The following IARS1 variants were observed in gnomAD, a reference collection of about 807,000 sequenced individuals.
The protein encoded by IARS1 is isoleucine--tRNA ligase, cytoplasmic.
A neutral mutation model predicts 168.2 loss-of-function variants in IARS1; 124 were observed. The observed-to-expected ratio is 0.74, with a 90% CI of 0.64 to 0.86. The LOEUF (loss-of-function observed/expected upper bound fraction) is 0.86, where lower values mean the gene tolerates loss of function less well. Among genes scored for constraint, IARS1 ranks in the 40% least tolerant of loss-of-function variants. IARS1 has a pLI of 0.00. For synonymous variants in IARS1, 532 were observed against 529.4 expected (o/e 1.00, Z -0.07); for missense variants, 1,452 against 1,515.8 (o/e 0.96, Z 0.70).
chr9:92,287,986 A>T, intron 3 of IARS1, 76 bp from the exon 4 acceptor site: 2 of 1,569,206 alleles, frequency 1.3e-6, no homozygotes, highest in African/African-American at 1.4e-5. Context: ...AGAAAACAAA[A>T]CAAATCAAAC....
rs778198228 is a variant in IARS1, at chr9:92,288,268, T to C, written c.134A>G (p.Asp45Gly). The change falls in exon 3 of 34, where the codon GAT (aspartate) becomes GGT (glycine). Residue 45 changes from aspartate (D) to glycine (G), a missense_variant. By Grantham distance (94) the Asp-to-Gly change is moderately conservative (BLOSUM62 -1). Coordinates refer to ENST00000443024, the MANE Select transcript of IARS1 (RefSeq NM_002161.6). ...SKHKPKFTFYDGPPFATGLPH... is the reference protein window; with the variant it reads ...SKHKPKFTFYGGPPFATGLPH... Reference sequence around the variant, plus strand: ...CAGTCCAGTTGCAAAAGGAGGACCATCATAGAAGGTAAATCTAACAGGTAA... The same window carrying C: ...CAGTCCAGTTGCAAAAGGAGGACCACCATAGAAGGTAAATCTAACAGGTAA... 6.2e-7 allele frequency: 1 copy of C among 1,613,916 alleles called. No homozygotes were observed.
chr9:92,270,480 G>A (rs972710541), intron 12 of IARS1, among the ~76,000 whole-genome samples: 1 of 152,172 alleles, frequency 6.6e-6, no homozygotes, highest in African/African-American at 2.4e-5. Flanking sequence ...CCTTAGGAAA[G>A]CAACATTTTT....
At chr9:92,274,586 A>G in intron 9 of IARS1, 65 bp from the exon 10 acceptor site, 1 of 1,179,664 alleles carries the variant, frequency 8.5e-7, no homozygotes, top group African/African-American at 1.5e-5. Flanking sequence ...TAACTTTGTA[A>G]CAGTTTTTCC....
At chr9:92,226,796 A>G (rs890022799) in intron 31 of IARS1, among the ~76,000 whole-genome samples, 1 of 147,168 alleles carries the variant, frequency 6.8e-6, no homozygotes, top group Non-Finnish European at 1.5e-5. Context: ...ATGTCTTCAC[A>G]TGGCCACCTT....
rs755039797 is a variant in IARS1, at chr9:92,242,326, T to C, written c.3005A>G (p.Asn1002Ser). ...NRIQKLRKKC[N>S]LVPTDEITVY... ...TGTGATTTCATCAGTTGGAACCAGA[T>C]TGCACTGAAAACACACACAGAAAAA... Residue 1002 changes from asparagine to serine, a missense_variant, in exon 29 of 34, where the codon AAT (asparagine) becomes AGT (serine). Transcript: ENST00000443024. 1.9e-5 allele frequency: 31 copies of C among 1,610,120 alleles called. 1 individual carries two copies. In the South Asian group the frequency reaches 2.7e-4, roughly 14 times the overall value.
intron 27 of IARS1, among the ~76,000 whole-genome samples, chr9:92,244,033 T>C (rs1229050931): frequency 2.6e-5 from 4 of 152,152 alleles, no homozygotes; most frequent in Non-Finnish European, 5.9e-5. Context: ...ACTCACTTCA[T>C]AAAGGCATCA....
intron 30 of IARS1, among the ~76,000 whole-genome samples, chr9:92,238,668 T>C (rs76668386): frequency 1.2e-3 from 177 of 152,294 alleles, no homozygotes; most frequent in African/African-American, 4.1e-3. Flanking sequence ...ACTTAAAACA[T>C]ATTTTAGAGT....
In IARS1 at chr9:92,264,118, T is replaced by G. The variant is rs141085645; in HGVS notation, c.1700+811A>C. Among the ~76,000 whole-genome samples, 944 of 152,160 alleles carry G rather than the reference T, an allele frequency of 6.2e-3. 14 individuals are homozygous for G. Among genetic ancestry groups the G allele is most frequent in the African/African-American group, 0.022 (904 of 41,516 alleles). On this transcript the variant is annotated intron_variant, in intron 16 of 33. Coordinates refer to ENST00000443024, the MANE Select transcript of IARS1 (RefSeq NM_002161.6). Reference sequence around the variant, plus strand: ...GGGAGGCTGAGACGGGTGGGTCACTTGAGGTCAGGAGTTCGAGACCAGCCT... The same window carrying G: ...GGGAGGCTGAGACGGGTGGGTCACTGGAGGTCAGGAGTTCGAGACCAGCCT...
At position 92,256,684 on chromosome 9, in the gene IARS1, C is replaced by T. The variant is rs760930213; in HGVS notation, c.2133G>A (p.Met711Ile). 5 of 1,613,376 alleles carry T rather than the reference C, an allele frequency of 3.1e-6. No homozygotes were observed. The South Asian group carries it at 5.5e-5, about 18-fold the overall frequency. Residue 711 changes from methionine to isoleucine, a missense_variant, in exon 20 of 34, where the codon ATG (methionine) becomes ATA (isoleucine). Coordinates refer to ENST00000443024, the MANE Select transcript of IARS1 (RefSeq NM_002161.6). ...QSLIGFFETE[M>I]AAYRLYTVVP... Reference sequence around the variant, plus strand: ...GACAGACCAAGAGAGACTCACCTGCCATTTCAGTCTCAAAGAAGCCAATGA... The same window carrying T: ...GACAGACCAAGAGAGACTCACCTGCTATTTCAGTCTCAAAGAAGCCAATGA...
chr9:92,280,917 T>G, intron 6 of IARS1, 24 bp from the exon 7 acceptor site: 1 of 1,574,062 alleles, frequency 6.4e-7, no homozygotes, highest in Non-Finnish European at 8.7e-7. Context: ...AGGTAAAGTA[T>G]TGTTTTAGAA....
chr9:92,273,146 A>C (rs1392493716), intron 10 of IARS1, among the ~76,000 whole-genome samples: 3 of 151,704 alleles, frequency 2.0e-5, no homozygotes, highest in African/African-American at 7.2e-5. Context: ...AAAAAAAAAA[A>C]AAACCCCTAC....
intron 27 of IARS1, 85 bp from the exon 28 acceptor site, chr9:92,243,396 G>C: frequency 1.1e-6 from 1 of 886,928 alleles, no homozygotes; most frequent in Non-Finnish European, 1.8e-6. Flanking sequence ...TTTAAATCTG[G>C]AGAGTCTATA....
intron 33 of IARS1, among the ~76,000 whole-genome samples, chr9:92,211,571 G>A (rs1441388800): frequency 9.2e-5 from 14 of 152,130 alleles, no homozygotes; most frequent in Admixed American, 9.2e-4. Context: ...CTTGCAGGTG[G>A]AGTTAGATAT....
intron 13 of IARS1, 49 bp downstream of exon 13, chr9:92,269,836 C>G: frequency 7.9e-7 from 1 of 1,263,428 alleles, no homozygotes; most frequent in Non-Finnish European, 1.2e-6. Flanking sequence ...ACCATACTTA[C>G]TAACCACATG....
At chr9:92,268,678 C>A (rs1832627394) in intron 13 of IARS1, among the ~76,000 whole-genome samples, 1 of 152,234 alleles carries the variant, frequency 6.6e-6, no homozygotes, top group Non-Finnish European at 1.5e-5. Flanking sequence ...GGCCAACAGG[C>A]CAGGGGATTG....
At chr9:92,220,952 A>C (rs1335976184) in intron 33 of IARS1, among the ~76,000 whole-genome samples, 2 of 152,208 alleles carry the variant, frequency 1.3e-5, no homozygotes, top group Non-Finnish European at 2.9e-5. Flanking sequence ...TGACAGAACA[A>C]GACCAAGTCT....
At chr9:92,265,607 C>T (rs1345619484) in intron 14 of IARS1, 54 bp from the exon 15 acceptor site, 2 of 1,333,638 alleles carry the variant, frequency 1.5e-6, no homozygotes, top group Non-Finnish European at 2.2e-6. Context: ...ACAGAGCATA[C>T]TGAGTTAATT....
chr9:92,235,064 T>C (rs1479409638), intron 30 of IARS1, among the ~76,000 whole-genome samples: 2 of 152,178 alleles, frequency 1.3e-5, no homozygotes, highest in African/African-American at 2.4e-5. Context: ...CTTGAACTCC[T>C]GACCTCAGGT....
chr9:92,240,608 A>G (rs1011494065), intron 30 of IARS1: 5 of 686,768 alleles, frequency 7.3e-6, no homozygotes, highest in Non-Finnish European at 1.3e-5. Context: ...TGGCAAGGTT[A>G]GTCTTGAACT....
Sources: gnomAD v4.1 joint callset for allele counts (sites outside exome capture counted in the v4.1 genomes callset) on GRCh38, gnomAD v4.1.1 for gene constraint, MANE v1.5 for transcripts, NCBI Gene and HGNC (gene_info 2026-07-23, HGNC 2026-07-21) for gene names.